Variants in ANKRD6 observed in about 807,000 individuals in gnomAD.
The protein encoded by ANKRD6 is ankyrin repeat domain 6.
In ANKRD6, 56 loss-of-function variants were observed where a neutral mutation model predicts 82.3. That is an observed-to-expected ratio of 0.68 (90% confidence interval 0.55 to 0.85). ANKRD6 has a LOEUF of 0.85. Ranked by LOEUF, ANKRD6 falls within the 40% of genes least tolerant of loss-of-function variation. ANKRD6 has a pLI of 0.00. For missense variants in ANKRD6, 852 were observed against 907.6 expected (o/e 0.94, Z 0.79); for synonymous variants, 347 against 352.1 (o/e 0.99, Z 0.16).
At chr6:89,554,943 C>A (rs1786359679) in intron 1 of ANKRD6, among the ~76,000 whole-genome samples, 1 of 152,054 alleles carries the variant, frequency 6.6e-6, no homozygotes, top group Admixed American at 6.6e-5. Context: ...TGTTCATATC[C>A]TGGTTTTCTT....
rs147562561 is a variant in ANKRD6, at chr6:89,563,715, G to GC, written c.-143-3113dup. Among the ~76,000 whole-genome samples the GC allele has an allele frequency of 3.1e-3, 462 of 151,332 alleles. 14 individuals carry two copies. In the East Asian group the frequency reaches 0.077, roughly 25 times the overall value. Reference sequence around the variant, plus strand: ...GGGTTCCCCCATCCCTTCTTAAACTGCCCCCCACCCCTGCAACACACACAT... The same window carrying GC: ...GGGTTCCCCCATCCCTTCTTAAACTGCCCCCCCACCCCTGCAACACACACAT... On this transcript the variant is annotated intron_variant, in intron 1 of 15. Coordinates refer to ENST00000339746, the MANE Select transcript of ANKRD6 (RefSeq NM_001242809.2).
Position 89,627,656 on chromosome 6 carries a change from A to G in ANKRD6, c.1445A>G (p.Gln482Arg), listed in dbSNP as rs372598728. The G allele has an allele frequency of 5.3e-5, 86 of 1,613,752 alleles. No individual in the cohort carries two copies. The highest frequency in any genetic ancestry group is 7.1e-5 in the Non-Finnish European group (84 of 1,179,782). Reference protein sequence around the residue: ...ERTECLNRLQQHSDTEKHEGE... With the variant: ...ERTECLNRLQRHSDTEKHEGE... ...ACGGAGTGCCTGAACCGCCTGCAAC[A>G]GCACTCAGACACAGAGAAGCATGAG... Residue 482 changes from glutamine to arginine, a missense_variant, in exon 14 of 16, where the codon CAG becomes CGG. Gln to Arg is a conservative substitution (Grantham distance 43, BLOSUM62 1). Transcript: ENST00000339746.
chr6:89,481,131 A>G (rs1776758599), intron 1 of ANKRD6, among the ~76,000 whole-genome samples: 1 of 152,180 alleles, frequency 6.6e-6, no homozygotes, highest in Admixed American at 6.5e-5. Flanking sequence ...GTGATGCTCA[A>G]CTTCGTTAAC....
At chr6:89,541,965 AT>A (rs1283780329) in intron 1 of ANKRD6, among the ~76,000 whole-genome samples, 8 of 150,902 alleles carry the variant, frequency 5.3e-5, no homozygotes, top group African/African-American at 1.9e-4. Context: ...AGCTTTCCTA[AT>A]TTTTTTTCTT....
At chr6:89,478,799 AT>A (rs910677040) in intron 1 of ANKRD6, among the ~76,000 whole-genome samples, 1 of 148,178 alleles carries the variant, frequency 6.7e-6, no homozygotes, top group South Asian at 2.1e-4. Flanking sequence ...TAAAAAAAAA[AT>A]TTTTTTAAAA....
chr6:89,497,696 C>T (rs371799364), intron 1 of ANKRD6, among the ~76,000 whole-genome samples: 4 of 152,002 alleles, frequency 2.6e-5, no homozygotes, highest in African/African-American at 9.7e-5. Context: ...TCAGAGCTTT[C>T]GAATTTTAAA....
chr6:89,541,216 T>A (rs1784413056), intron 1 of ANKRD6, among the ~76,000 whole-genome samples: 1 of 151,986 alleles, frequency 6.6e-6, no homozygotes, highest in Non-Finnish European at 1.5e-5. Context: ...TTGCTTTGGG[T>A]AGTATGGACA....
chr6:89,459,101 G>C (rs775071333), intron 1 of ANKRD6, among the ~76,000 whole-genome samples: 2 of 152,064 alleles, frequency 1.3e-5, no homozygotes, highest in Non-Finnish European at 2.9e-5. Context: ...AAATTGAGAC[G>C]GAGTTTCACT....
rs537976191 is a variant in ANKRD6, at chr6:89,458,800, C to T, written c.-144+25425C>T. On this transcript the variant is annotated intron_variant, in intron 1 of 15. Transcript: ENST00000339746. The stretch of plus-strand genomic sequence containing the variant: ...CCCAGGAACAATACTTTGCATCCTT[C>T]GATCCAATAAGGTTGACACTCAATA... Among the ~76,000 whole-genome samples, 14 of 152,312 alleles carry T rather than the reference C, an allele frequency of 9.2e-5. No individual in the cohort carries two copies. In the South Asian group the frequency reaches 2.1e-3, roughly 23 times the overall value.
intron 3 of ANKRD6, 56 bp from the exon 4 acceptor site, chr6:89,602,973 C>G (rs1399042125): frequency 1.6e-5 from 23 of 1,432,794 alleles, no homozygotes; most frequent in Non-Finnish European, 2.1e-5. Flanking sequence ...GTGAGTAGTG[C>G]AAGCAGGGGG....
intron 1 of ANKRD6, among the ~76,000 whole-genome samples, chr6:89,463,440 A>G (rs1311960109): frequency 6.6e-6 from 1 of 152,192 alleles, no homozygotes; most frequent in Non-Finnish European, 1.5e-5. Context: ...CCTAAAGATG[A>G]ATTACCAAAA....
intron 1 of ANKRD6, among the ~76,000 whole-genome samples, chr6:89,509,410 C>T (rs980298878): frequency 6.6e-6 from 1 of 152,172 alleles, no homozygotes; most frequent in African/African-American, 2.4e-5. Flanking sequence ...GAAATCATCT[C>T]ATACAGCCCC....
chr6:89,470,932 T>C lies in ANKRD6; in HGVS notation c.-144+37557T>C, dbSNP rs1172238584. 2.0e-5 allele frequency among the ~76,000 whole-genome samples: 3 copies of C among 152,184 alleles called. No homozygotes were observed. The East Asian group carries it at 5.8e-4, about 29-fold the overall frequency. On this transcript the variant is annotated intron_variant, in intron 1 of 15. Coordinates refer to ENST00000339746, the MANE Select transcript of ANKRD6 (RefSeq NM_001242809.2). Reference sequence around the variant, plus strand: ...CCTCACCAACATGGATGTTGTCCAGTCACCCTAATCTTTACTAGTTTTATG... The same window carrying C: ...CCTCACCAACATGGATGTTGTCCAGCCACCCTAATCTTTACTAGTTTTATG...
At chr6:89,487,821 A>G (rs1353855483) in intron 1 of ANKRD6, among the ~76,000 whole-genome samples, 1 of 152,222 alleles carries the variant, frequency 6.6e-6, no homozygotes, top group Non-Finnish European at 1.5e-5. Context: ...ATGTCTAGAC[A>G]TACTGGAAGA....
At chr6:89,461,505 C>G (rs1408337135) in intron 1 of ANKRD6, among the ~76,000 whole-genome samples, 2 of 152,140 alleles carry the variant, frequency 1.3e-5, no homozygotes, top group East Asian at 1.9e-4. Context: ...TTATGTTAAG[C>G]CAACATATGT....
At chr6:89,570,042 C>T (rs773986183) in intron 2 of ANKRD6, among the ~76,000 whole-genome samples, 21 of 132,232 alleles carry the variant, frequency 1.6e-4, no homozygotes, top group East Asian at 4.2e-4. Flanking sequence ...ATGTTATACT[C>T]GTGTGTGTGT....
intron 1 of ANKRD6, among the ~76,000 whole-genome samples, chr6:89,528,019 C>T (rs1373635634): frequency 6.6e-6 from 1 of 152,134 alleles, no homozygotes; most frequent in Non-Finnish European, 1.5e-5. Flanking sequence ...CTATGTTGCC[C>T]AAGCTGATCT....
intron 1 of ANKRD6, among the ~76,000 whole-genome samples, chr6:89,533,058 G>C (rs1047456603): frequency 2.0e-5 from 3 of 151,874 alleles, no homozygotes; most frequent in Non-Finnish European, 4.4e-5. Context: ...TTAATTTTTA[G>C]TAGAGACGGG....
chr6:89,614,073 C>T (rs1442995508), intron 7 of ANKRD6, among the ~76,000 whole-genome samples, 183 bp downstream of exon 7: 2 of 152,190 alleles, frequency 1.3e-5, no homozygotes, highest in Non-Finnish European at 2.9e-5. Flanking sequence ...GCTTATCTGG[C>T]CTGCTAGAGA....
Sources: allele counts gnomAD v4.1 joint callset (sites outside exome capture counted in the v4.1 genomes callset), GRCh38; gene constraint gnomAD v4.1.1; transcripts MANE v1.5; gene names NCBI Gene and HGNC (gene_info 2026-07-23, HGNC 2026-07-21).